Variants in INPP5B observed in about 807,000 individuals in gnomAD.
INPP5B encodes the protein type II inositol 1,4,5-trisphosphate 5-phosphatase.
INPP5B carries 90 observed loss-of-function variants against 118.5 expected under a neutral mutation model. That is an observed-to-expected ratio of 0.76 (90% confidence interval 0.64 to 0.90). INPP5B has a LOEUF of 0.90. Among genes scored for constraint, INPP5B ranks in the 40% least tolerant of loss-of-function variants. The pLI is 0.00. For synonymous variants in INPP5B, 385 were observed against 418.9 expected, an observed-to-expected ratio of 0.92 and a Z score of 0.99; for missense variants, 984 against 1,125.6, an observed-to-expected ratio of 0.87 and a Z score of 1.80.
chr1:37,921,323 A>G (rs772070957), intron 7 of INPP5B, among the ~76,000 whole-genome samples: 64 of 152,214 alleles, frequency 4.2e-4, no homozygotes, highest in Non-Finnish European at 8.2e-4. Flanking sequence ...TACCTAGCAC[A>G]TAGTACACAG....
At chr1:37,905,306 C>A (rs1280092028) in intron 7 of INPP5B, among the ~76,000 whole-genome samples, 2 of 152,154 alleles carry the variant, frequency 1.3e-5, no homozygotes, top group East Asian at 3.9e-4. Flanking sequence ...GAGGCTGAGG[C>A]AGGAGAATTG....
At chr1:37,876,687 G>A (rs1288513424) in intron 16 of INPP5B, among the ~76,000 whole-genome samples, 8 of 116,514 alleles carry the variant, frequency 6.9e-5, no homozygotes, top group South Asian at 5.9e-4. Context: ...GTGAAACCCC[G>A]TCTCTACTAA....
chr1:37,868,332 A>T (rs940646026), intron 20 of INPP5B, among the ~76,000 whole-genome samples, 169 bp downstream of exon 20: 1 of 151,674 alleles, frequency 6.6e-6, no homozygotes, highest in African/African-American at 2.4e-5. Context: ...AAAAAAAAAA[A>T]ATAGCAGGGT....
At position 37,874,018 on chromosome 1, in the gene INPP5B, G is replaced by T. The variant is rs779050936; in HGVS notation, c.1926C>A (p.Asn642Lys). ...CTGGCAGGAGGAAGCCTCTGCTGGG[G>T]TTGGCATTCAGCCACTGCTTACAGT... ...ESYCKQWLNA[N>K]PSRGFLLPDS... The change falls in exon 18 of 24, where the codon AAC (asparagine) becomes AAA (lysine). Residue 642 changes from asparagine to lysine, a missense_variant. Physicochemically the swap from Asn to Lys is moderately conservative, Grantham distance 94. This residue lies in a region of INPP5B where 634 missense variants were observed against 791.0 expected (regional missense o/e 0.80). Transcript: ENST00000373024. The T allele has an allele frequency of 3.0e-5, 47 of 1,586,042 alleles. No homozygotes were observed. Among genetic ancestry groups the T allele is most frequent in the African/African-American group, 4.0e-5 (3 of 74,522 alleles).
chr1:37,923,673 T>C (rs1013784131), intron 7 of INPP5B, among the ~76,000 whole-genome samples: 1 of 152,028 alleles, frequency 6.6e-6, no homozygotes, highest in Admixed American at 6.6e-5. Context: ...TGAACAGAAT[T>C]TGCTTATTAG....
At chr1:37,899,236 G>A (rs1644239641) in intron 7 of INPP5B, among the ~76,000 whole-genome samples, 1 of 149,032 alleles carries the variant, frequency 6.7e-6, no homozygotes, top group African/African-American at 2.5e-5. Context: ...TTGTACTCTA[G>A]TTGATAATGG....
intron 7 of INPP5B, among the ~76,000 whole-genome samples, chr1:37,901,078 G>A (rs927717812): frequency 7.2e-5 from 11 of 152,164 alleles, no homozygotes; most frequent in Admixed American, 2.0e-4. Context: ...TCAAAGTGCC[G>A]GGATTACAGG....
Position 37,946,269 on chromosome 1 carries a change from C to T in INPP5B, c.40G>A (p.Gly14Arg), listed in dbSNP as rs1646108665. Residue 14 changes from glycine (G) to arginine (R), a missense_variant, in exon 2 of 24, where the codon GGG becomes AGG. Physicochemically the swap from Gly to Arg is moderately radical, Grantham distance 125 (BLOSUM62 -2). Transcript: ENST00000373024. ...AAGGATATGATGACGCAGTATTCCC[C>T]CTCAGCCAGCGTCTCCTGGATTGCC... ...SVAIQETLAE[G>R]EYCVIAVQGV... 1.2e-6 allele frequency: 2 copies of T among 1,611,722 alleles called. No individual in the cohort carries two copies. The highest frequency in any genetic ancestry group is 1.7e-6 in the Non-Finnish European group (2 of 1,179,018).
intron 6 of INPP5B, among the ~76,000 whole-genome samples, chr1:37,939,593 C>T (rs1433552646): frequency 4.6e-5 from 7 of 150,908 alleles, no homozygotes; most frequent in Admixed American, 6.6e-5. Flanking sequence ...TATAGGCGCC[C>T]GCCACCATGC....
At chr1:37,888,779 C>A (rs1395403755) in intron 9 of INPP5B, among the ~76,000 whole-genome samples, 1 of 152,124 alleles carries the variant, frequency 6.6e-6, no homozygotes, top group Non-Finnish European at 1.5e-5. Flanking sequence ...TCTTATAGTC[C>A]CAATGCAACG....
In INPP5B at chr1:37,911,239, T is replaced by G. The variant is rs147438724; in HGVS notation, c.533-19785A>C. Among the ~76,000 whole-genome samples, 1,515 of 152,268 alleles carry G rather than the reference T, an allele frequency of 9.9e-3. 33 individuals carry two copies. The highest frequency in any genetic ancestry group is 0.035 in the African/African-American group (1,450 of 41,530). ...TTCCCATAACTTTCAAAATCTATTTTCCTCCTCACACTTGACGCATATACT... is the reference window on the plus strand; with the variant it reads ...TTCCCATAACTTTCAAAATCTATTTGCCTCCTCACACTTGACGCATATACT... On this transcript the variant is annotated intron_variant, in intron 7 of 23. Coordinates refer to ENST00000373024, the MANE Select transcript of INPP5B (RefSeq NM_005540.3).
intron 19 of INPP5B, among the ~76,000 whole-genome samples, chr1:37,870,265 A>C (rs1209276718): frequency 6.6e-6 from 1 of 151,830 alleles, no homozygotes; most frequent in African/African-American, 2.4e-5. Context: ...GCACACCCCC[A>C]TACCCAGCTC....
At position 37,943,817 on chromosome 1, in the gene INPP5B, G is replaced by A. The variant is rs200755593; in HGVS notation, c.229C>T (p.Arg77Trp). ...GCACCTTCTTCCAGCGTAAAATCCC[G>A]CGAGACTGGCACTATCTGGTCCAGA... is the stretch of plus-strand genomic sequence containing the variant. Reference protein sequence around the residue: ...VSLDQIVPVSRDFTLEEVSPD... With the variant: ...VSLDQIVPVSWDFTLEEVSPD... Residue 77 changes from arginine (R) to tryptophan (W), a missense_variant, in exon 4 of 24, where the codon CGG (arginine) becomes TGG (tryptophan). By Grantham distance (101) the Arg-to-Trp change is moderately radical. Transcript: ENST00000373024. 56 of 1,614,096 alleles carry A rather than the reference G, an allele frequency of 3.5e-5. No individual in the cohort carries two copies. The highest frequency in any genetic ancestry group is 2.4e-4 in the African/African-American group (18 of 75,030).
intron 7 of INPP5B, among the ~76,000 whole-genome samples, chr1:37,904,456 A>G (rs1288858311): frequency 2.0e-5 from 3 of 152,208 alleles, no homozygotes; most frequent in Admixed American, 2.0e-4. Flanking sequence ...CTTGTAAATG[A>G]AATTCTGTGT....
At chr1:37,868,334 T>C (rs907502385) in intron 20 of INPP5B, among the ~76,000 whole-genome samples, 167 bp downstream of exon 20, 3 of 119,744 alleles carry the variant, frequency 2.5e-5, no homozygotes, top group South Asian at 5.2e-4. Context: ...AAAAAAAAAA[T>C]AGCAGGGTCT....
At position 37,886,873 on chromosome 1, in the gene INPP5B, C is replaced by T; in HGVS notation, c.1131+15G>A. 1.2e-6 allele frequency: 2 copies of T among 1,606,600 alleles called. No homozygotes were observed. The highest frequency in any genetic ancestry group is 1.7e-6 in the Non-Finnish European group (2 of 1,173,278). ...AAGGTCCTCAATGTGCCAAACAAAC[C>T]AACCAAGGACTCACCATCCTCCCCA... is the stretch of plus-strand genomic sequence containing the variant. On this transcript the variant is annotated intron_variant, in intron 12 of 23. Transcript: ENST00000373024.
intron 10 of INPP5B, 136 bp downstream of exon 10, chr1:37,888,107 G>T: frequency 4.0e-6 from 2 of 495,384 alleles, no homozygotes; most frequent in East Asian, 3.3e-5. Context: ...CCATGAGGAA[G>T]AACATCAAAC....
chr1:37,865,896 C>T lies in INPP5B; in HGVS notation c.2387-8G>A, dbSNP rs767001325. On this transcript the variant is annotated splice_polypyrimidine_tract_variant and splice_region_variant and intron_variant, in intron 21 of 23. Transcript: ENST00000373024. ...CAGAATGATTGCTGGCAGCTTTTGGCCCCATTGTTAAGGAACCGATAATGC... is the reference window on the plus strand; with the variant it reads ...CAGAATGATTGCTGGCAGCTTTTGGTCCCATTGTTAAGGAACCGATAATGC... The T allele has an allele frequency of 1.4e-5, 23 of 1,611,446 alleles. No individual in the cohort carries two copies. Among genetic ancestry groups the T allele is most frequent in the Non-Finnish European group, 1.9e-5 (22 of 1,178,486 alleles).
chr1:37,895,820 T>C (rs1427965907), intron 7 of INPP5B, among the ~76,000 whole-genome samples: 3 of 152,114 alleles, frequency 2.0e-5, no homozygotes, highest in African/African-American at 4.8e-5. Context: ...CAGTGCTCAA[T>C]GGTGCCCAGG....
Sources: allele counts gnomAD v4.1 joint callset (sites outside exome capture counted in the v4.1 genomes callset), GRCh38; gene constraint gnomAD v4.1.1; regional missense constraint gnomAD v4.1.1; transcripts MANE v1.5; gene names NCBI Gene and HGNC (gene_info 2026-07-23, HGNC 2026-07-21).